TMCO5A: variants seen among roughly 807,000 people sequenced by gnomAD.
The protein encoded by TMCO5A is transmembrane and coiled-coil domains 5A, also known as transmembrane and coiled-coil domain-containing protein 5A.
TMCO5A carries 34 observed loss-of-function variants against 42.3 expected under a neutral mutation model. The ratio of observed to expected loss-of-function variants is 0.80; its 90% CI spans 0.61 to 1.07. TMCO5A has a LOEUF of 1.07. TMCO5A is among the 50% of genes least tolerant of loss of function. The pLI, the probability that TMCO5A is intolerant of heterozygous loss-of-function variation, is 0.00. For missense variants in TMCO5A, 357 were observed against 327.9 expected (o/e 1.09, Z -0.69); for synonymous variants, 131 against 115.6 (o/e 1.13, Z -0.86).
At chr15:38,025,506 TAGC>T in the TMCO5A span, among the ~76,000 whole-genome samples, 2 of 152,162 alleles carry the variant, frequency 1.3e-5, no homozygotes, top group African/African-American at 4.8e-5. Flanking sequence ...AAATTTTACT[TAGC>T]AGGAGGAATA....
rs1157023973 is a variant in TMCO5A at position 37,951,235 on chromosome 15, T to C, written c.*1T>C. On this transcript the variant is annotated 3_prime_UTR_variant, in exon 12 of 12. Transcript: ENST00000319669. ...GACAGAGGACATGTTACCCCACTGA[T>C]TCCCTAAGAAATATCCTTGAGCAAT... 1.2e-6 allele frequency: 2 copies of C among 1,613,264 alleles called. No individual in the cohort carries two copies. The highest frequency in any genetic ancestry group is 1.7e-6 in the Non-Finnish European group (2 of 1,179,570).
chr15:38,029,421 G>C, the TMCO5A span, among the ~76,000 whole-genome samples: 1 of 150,608 alleles, frequency 6.6e-6, no homozygotes, highest in African/African-American at 2.5e-5. Flanking sequence ...TTTGACTGCT[G>C]ATAGTTCATT....
chr15:37,985,207 A>G, the TMCO5A span, among the ~76,000 whole-genome samples: 1 of 152,154 alleles, frequency 6.6e-6, no homozygotes, highest in African/African-American at 2.4e-5. Context: ...AAAGAAGTCA[A>G]TAAAAGCTCC....
chr15:37,951,322 T>A lies in TMCO5A; in HGVS notation c.*88T>A. ...CATGAAACTTGTGGAGGAAAGAGAT[T>A]TGCTTCAGTTTTTTCCTCACCGTTT... On this transcript the variant is annotated 3_prime_UTR_variant, in exon 12 of 12. Coordinates refer to ENST00000319669, the MANE Select transcript of TMCO5A (RefSeq NM_152453.4). 7.4e-7 allele frequency: 1 copy of A among 1,345,614 alleles called. No individual in the cohort carries two copies. Among genetic ancestry groups the A allele is most frequent in the South Asian group, 1.3e-5 (1 of 76,872 alleles). The allele number at this position is 1,345,614 out of a possible 1,614,324, so 83.4% of individuals were successfully genotyped here. A position where few individuals can be genotyped will look rare whatever the true frequency, so the allele number is the denominator to read the frequency against.
At chr15:38,011,162 T>C in the TMCO5A span, among the ~76,000 whole-genome samples, 5 of 152,184 alleles carry the variant, frequency 3.3e-5, no homozygotes, top group South Asian at 2.1e-4. Flanking sequence ...TGTCTGTCCC[T>C]CAAGGTGTCT....
At chr15:37,985,573 T>C in the TMCO5A span, among the ~76,000 whole-genome samples, 1 of 152,214 alleles carries the variant, frequency 6.6e-6, no homozygotes, top group Admixed American at 6.5e-5. Context: ...ATTTTCTGTT[T>C]ATTCTATTTT....
At chr15:37,937,015 C>A (rs374551216) in intron 4 of TMCO5A, 45 bp downstream of exon 4, 154 of 1,606,148 alleles carry the variant, frequency 9.6e-5, no homozygotes, top group Non-Finnish European at 1.2e-4. Flanking sequence ...TTGCATTCCT[C>A]ATTCCATCCT....
the TMCO5A span, among the ~76,000 whole-genome samples, chr15:38,021,976 AT>A: frequency 6.6e-6 from 1 of 151,750 alleles, no homozygotes; most frequent in Non-Finnish European, 1.5e-5. Context: ...AGTCCAGCTA[AT>A]TTTTTTGTAT....
intron 4 of TMCO5A, 86 bp from the exon 5 acceptor site, chr15:37,937,260 T>C: frequency 6.8e-7 from 1 of 1,481,338 alleles, no homozygotes; most frequent in Admixed American, 1.7e-5. Flanking sequence ...CAGGAAAATA[T>C]AGCTGGGGTG....
chr15:38,004,646 G>T, the TMCO5A span: 1 of 152,220 alleles, frequency 6.6e-6, no homozygotes, highest in Non-Finnish European at 1.5e-5. Context: ...GCCTTCTGTT[G>T]CTTTCCACTG....
downstream of TMCO5A, among the ~76,000 whole-genome samples, chr15:37,969,701 T>A (rs146909755): frequency 6.6e-6 from 1 of 152,260 alleles, no homozygotes; most frequent in Non-Finnish European, 1.5e-5. Context: ...TTCCTCTCCC[T>A]CCTCCACCTT....
At chr15:38,011,003 T>C in the TMCO5A span, among the ~76,000 whole-genome samples, 1 of 152,170 alleles carries the variant, frequency 6.6e-6, no homozygotes, top group Non-Finnish European at 1.5e-5. Context: ...CACCTCGTCC[T>C]CCCAAAGTGC....
At chr15:38,005,908 C>T in the TMCO5A span, among the ~76,000 whole-genome samples, 9 of 152,176 alleles carry the variant, frequency 5.9e-5, no homozygotes, top group African/African-American at 2.2e-4. Flanking sequence ...AACTGAACAG[C>T]AATAACGGAG....
At position 37,936,562 on chromosome 15, in the gene TMCO5A, C is replaced by T. The variant is rs79437652; in HGVS notation, c.140+99C>T. On this transcript the variant is annotated intron_variant, in intron 3 of 11. Coordinates refer to ENST00000319669, the MANE Select transcript of TMCO5A (RefSeq NM_152453.4). ...TTCCTGCTTGTTCTAGAGACTTCTA[C>T]CTTGTGTGGCAAAAAGTTAATTTTT... 5,716 of 1,419,890 alleles carry T rather than the reference C, an allele frequency of 4.0e-3. 234 individuals are homozygous for T. The African/African-American group carries it at 0.075, about 19-fold the overall frequency. 88.0% of individuals were successfully genotyped at this position (1,419,890 alleles called of 1,614,324 possible). A position where few individuals can be genotyped will look rare whatever the true frequency, so the allele number is the denominator to read the frequency against.
At chr15:38,021,737 A>C in the TMCO5A span, among the ~76,000 whole-genome samples, 1 of 152,148 alleles carries the variant, frequency 6.6e-6, no homozygotes, top group Non-Finnish European at 1.5e-5. Context: ...TAAAATATAC[A>C]ATATTAACTT....
At chr15:37,962,467 T>A (rs555039807) in intron 11 of TMCO5A, among the ~76,000 whole-genome samples, 2 of 152,212 alleles carry the variant, frequency 1.3e-5, no homozygotes, top group African/African-American at 4.8e-5. Context: ...TTTTAGTATC[T>A]ATCTTCATCA....
intron 11 of TMCO5A, among the ~76,000 whole-genome samples, chr15:37,965,211 T>C (rs985007021): frequency 6.6e-6 from 1 of 152,184 alleles, no homozygotes; most frequent in African/African-American, 2.4e-5. Context: ...GATATCCATA[T>C]GCAGAAAAAT....
chr15:37,937,107 T>C, intron 4 of TMCO5A, 137 bp downstream of exon 4: 1 of 1,380,364 alleles, frequency 7.2e-7, no homozygotes, highest in African/African-American at 1.4e-5. Context: ...AATTTGTCCA[T>C]GCGTGGAAGG....
chr15:37,941,051 G>T lies in TMCO5A; in HGVS notation c.388-98G>T. On this transcript the variant is annotated intron_variant, in intron 6 of 11. Coordinates refer to ENST00000319669, the MANE Select transcript of TMCO5A (RefSeq NM_152453.4). The stretch of plus-strand genomic sequence containing the variant: ...AGGAGACGTGTGAAGTCATGGCCCT[G>T]AGGCTCCTCACAGCTCGTGAGGCCA... 2.7e-6 allele frequency: 3 copies of T among 1,097,958 alleles called. No individual in the cohort carries two copies. The East Asian group carries it at 7.2e-5, about 26-fold the overall frequency. 68.0% of individuals were successfully genotyped at this position (1,097,958 alleles called of 1,614,324 possible).
Sources: gnomAD v4.1 joint callset for allele counts (sites outside exome capture counted in the v4.1 genomes callset) on GRCh38, gnomAD v4.1.1 for gene constraint, MANE v1.5 for transcripts, NCBI Gene and HGNC (gene_info 2026-07-23, HGNC 2026-07-21) for gene names.